Variants in AFF2 observed in about 807,000 individuals in gnomAD.
The protein encoded by AFF2 is AF4/FMR2 family member 2.
AFF2 carries 14 observed loss-of-function variants against 76.9 expected under a neutral mutation model. The observed-to-expected ratio is 0.18, with a 90% CI of 0.12 to 0.28. The LOEUF (loss-of-function observed/expected upper bound fraction) is 0.28. Ranked by LOEUF, AFF2 falls within the 10% of genes least tolerant of loss-of-function variation. The pLI is 1.00. For missense variants in AFF2, 868 were observed against 1,001.1 expected (o/e 0.87, Z 1.79); for synonymous variants, 398 against 366.7 (o/e 1.09, Z -0.98).
intron 9 of AFF2, among the ~76,000 whole-genome samples, chrX:148,914,748 T>A: frequency 8.9e-6 from 1 of 112,491 alleles, no homozygotes; most frequent in Non-Finnish European, 1.9e-5. Context: ...ATTACACAAA[T>A]GTCTAGGCTA....
At chrX:148,648,397 C>T (rs1477185658) in intron 1 of AFF2, among the ~76,000 whole-genome samples, 6 of 108,524 alleles carry the variant, frequency 5.5e-5, no homozygotes, top group Non-Finnish European at 1.1e-4. Context: ...CCTACCTCTA[C>T]TAAAAATACA....
chrX:148,625,393 C>T (rs1213194886), intron 1 of AFF2, among the ~76,000 whole-genome samples: 1 of 111,153 alleles, frequency 9.0e-6, no homozygotes, highest in African/African-American at 3.3e-5. Context: ...CTTTTGGCCC[C>T]TTACTCCTCC....
At chrX:148,795,846 T>A (rs1557270386) in intron 3 of AFF2, among the ~76,000 whole-genome samples, 1 of 30,865 alleles carries the variant, frequency 3.2e-5, no homozygotes, top group Non-Finnish European at 5.8e-5. Flanking sequence ...TATATATATA[T>A]ATATATATAT....
chrX:148,705,623 A>G (rs946538148), intron 3 of AFF2, among the ~76,000 whole-genome samples: 2 of 111,946 alleles, frequency 1.8e-5, no homozygotes, highest in African/African-American at 3.2e-5. Flanking sequence ...TTCATCATAT[A>G]TCTGACAGTC....
At chrX:148,668,640 C>T (rs1603272578) in intron 3 of AFF2, among the ~76,000 whole-genome samples, 1 of 112,326 alleles carries the variant, frequency 8.9e-6, no homozygotes, top group East Asian at 2.8e-4. Flanking sequence ...AATGACAGCC[C>T]AAGCTTAGCC....
intron 3 of AFF2, among the ~76,000 whole-genome samples, chrX:148,704,636 C>T (rs1484397971): frequency 9.5e-6 from 1 of 105,756 alleles, no homozygotes; most frequent in African/African-American, 3.4e-5. Context: ...AAACAATTCT[C>T]CTGCTTCAGC....
chrX:148,715,329 T>C (rs1425990238), intron 3 of AFF2, among the ~76,000 whole-genome samples: 4 of 111,576 alleles, frequency 3.6e-5, no homozygotes, highest in Non-Finnish European at 7.5e-5. Flanking sequence ...TCTGGTTAGG[T>C]GTACAAGCAA....
At chrX:148,985,596 G>C (rs2072461915) in intron 19 of AFF2, among the ~76,000 whole-genome samples, 1 of 110,568 alleles carries the variant, frequency 9.0e-6, no homozygotes, top group Admixed American at 9.7e-5. Flanking sequence ...AAAAAGACTA[G>C]GAAATAGCTT....
intron 3 of AFF2, among the ~76,000 whole-genome samples, chrX:148,784,780 A>T (rs1407816753): frequency 9.0e-6 from 1 of 111,456 alleles, no homozygotes; most frequent in Non-Finnish European, 1.9e-5. Context: ...CAATTCCACA[A>T]TTGTGTATGT....
chrX:148,785,279 T>A (rs1452466780), intron 3 of AFF2, among the ~76,000 whole-genome samples: 1 of 112,088 alleles, frequency 8.9e-6, no homozygotes, highest in Admixed American at 9.4e-5. Context: ...GTTTCAGGAA[T>A]CAAGTTTATC....
chrX:148,773,722 G>GAAAGAAA (rs2048916406), intron 3 of AFF2, among the ~76,000 whole-genome samples: 1 of 104,723 alleles, frequency 9.5e-6, no homozygotes, highest in Non-Finnish European at 1.9e-5. Context: ...AAGAAAGAAA[G>GAAAGAAA]AAAGAAAGAA....
rs2072617697 is a variant in AFF2, at chrX:148,997,488, A to T, written c.*6156A>T. On this transcript the variant is annotated 3_prime_UTR_variant, in exon 21 of 21. Coordinates refer to ENST00000370460, the MANE Select transcript of AFF2 (RefSeq NM_002025.4). ...CTAAAATCTTATTTTTCAAAAAAAAATTTCCATTTTCTCTCTGGGCCTGTA... is the reference window on the plus strand; with the variant it reads ...CTAAAATCTTATTTTTCAAAAAAAATTTTCCATTTTCTCTCTGGGCCTGTA... 8.9e-6 allele frequency: 1 copy of T among 112,082 alleles called. No individual in the cohort carries two copies. The highest frequency in any genetic ancestry group is 3.2e-5 in the African/African-American group (1 of 30,811). The allele number at this position is 112,082 out of a possible 1,213,427, so 9.2% of individuals were successfully genotyped here.
At chrX:148,904,186 A>G (rs1557281195) in intron 8 of AFF2, 35 bp from the exon 9 acceptor site, 2 of 945,583 alleles carry the variant, frequency 2.1e-6, no homozygotes, top group African/African-American at 3.9e-5. Flanking sequence ...ATGCCTGCTA[A>G]TATTGTCTAA....
At chrX:148,624,052 C>T (rs782184366) in intron 1 of AFF2, among the ~76,000 whole-genome samples, 1 of 112,088 alleles carries the variant, frequency 8.9e-6, no homozygotes, top group East Asian at 2.8e-4. Flanking sequence ...TAGCTCTAGA[C>T]ATAGCAAGCT....
In AFF2 at chrX:148,719,664, A is replaced by C. The variant is rs782472785; in HGVS notation, c.1041+56896A>C. Among the ~76,000 whole-genome samples, 18 of 111,941 alleles carry C rather than the reference A, an allele frequency of 1.6e-4. No individual in the cohort carries two copies. The Admixed American group carries it at 1.7e-3, about 11-fold the overall frequency. ...CTAAGTGGTCGTGGGGATCAAAACA[A>C]ACAACGATAACAAAACAGCCTATTT... On this transcript the variant is annotated intron_variant, in intron 3 of 20. Transcript: ENST00000370460.
chrX:148,916,556 G>A (rs1316865449), intron 9 of AFF2, among the ~76,000 whole-genome samples: 1 of 111,132 alleles, frequency 9.0e-6, no homozygotes, highest in Non-Finnish European at 1.9e-5. Context: ...TCGGAGCCAT[G>A]GATGTTGAAA....
At chrX:148,713,048 G>A (rs1465979505) in intron 3 of AFF2, among the ~76,000 whole-genome samples, 2 of 111,256 alleles carry the variant, frequency 1.8e-5, no homozygotes, top group African/African-American at 3.3e-5. Flanking sequence ...TGAAGGAGGT[G>A]AGGAAGCAAG....
intron 1 of AFF2, among the ~76,000 whole-genome samples, chrX:148,611,442 A>C (rs1557249498): frequency 1.8e-5 from 2 of 112,185 alleles, no homozygotes; most frequent in East Asian, 5.7e-4. Flanking sequence ...TTAGTGGCTT[A>C]ACACAACACA....
intron 9 of AFF2, among the ~76,000 whole-genome samples, chrX:148,932,441 G>T (rs1603342519): frequency 8.9e-6 from 1 of 111,817 alleles, no homozygotes; most frequent in East Asian, 2.8e-4. Context: ...GGTAGACCTA[G>T]ATATGACTGC....
Sources: gnomAD v4.1 joint callset for allele counts (sites outside exome capture counted in the v4.1 genomes callset) on GRCh38, gnomAD v4.1.1 for gene constraint, MANE v1.5 for transcripts, NCBI Gene and HGNC (gene_info 2026-07-23, HGNC 2026-07-21) for gene names.